PCDHGB3: variants seen among roughly 807,000 people sequenced by gnomAD.
PCDHGB3 encodes protocadherin gamma-B3.
In PCDHGB3, 40 loss-of-function variants were observed where a neutral mutation model predicts 59.2. That is an observed-to-expected ratio of 0.68 (90% CI 0.52 to 0.88). The LOEUF (loss-of-function observed/expected upper bound fraction) is 0.88, where lower values mean the gene tolerates loss of function less well. Among genes scored for constraint, PCDHGB3 ranks in the 40% least tolerant of loss-of-function variants. The pLI, the probability that PCDHGB3 is intolerant of heterozygous loss-of-function variation, is 0.00. For missense variants in PCDHGB3, 1,309 were observed against 1,187.9 expected (o/e 1.10, Z -1.50); for synonymous variants, 581 against 503.6 (o/e 1.15, Z -2.06).
chr5:141,374,812 T>C, intron 1 of PCDHGB3: 1 of 1,613,998 alleles, frequency 6.2e-7, no homozygotes, highest in Non-Finnish European at 8.5e-7. Flanking sequence ...CAATGTTTAC[T>C]CAGCCTGTCT....
intron 1 of PCDHGB3, chr5:141,384,851 A>G (rs1460277994): frequency 1.9e-6 from 3 of 1,613,516 alleles, no homozygotes; most frequent in East Asian, 2.2e-5. Flanking sequence ...GACCACGGTC[A>G]GCCTCCTCTG....
intron 1 of PCDHGB3, chr5:141,409,583 G>A (rs1221824873): frequency 1.2e-6 from 2 of 1,613,920 alleles, no homozygotes; most frequent in African/African-American, 1.3e-5. Flanking sequence ...CGTGGTCCAC[G>A]TGGCCGAGAA....
In PCDHGB3 at chr5:141,476,040, G is replaced by A; in HGVS notation, c.2416-18767G>A. 2.0e-6 allele frequency: 3 copies of A among 1,488,704 alleles called. No individual in the cohort carries two copies. Among genetic ancestry groups the A allele is most frequent in the Admixed American group, 2.2e-5 (1 of 44,984 alleles). 92.2% of individuals were successfully genotyped at this position (1,488,704 alleles called of 1,614,324 possible). On this transcript the variant is annotated intron_variant, in intron 1 of 3. Coordinates refer to ENST00000576222, the MANE Select transcript of PCDHGB3 (RefSeq NM_018924.5). The surrounding 1 kb of genome is among the most constrained non-coding windows in gnomAD (Gnocchi z 7.6). The stretch of plus-strand genomic sequence containing the variant: ...CGGACTCGGCGCCCAGCGCCCAAGC[G>A]CTAACCCGCTGAAAGTTTCTCAGCG...
In PCDHGB3 at chr5:141,505,414, C is replaced by T. The variant is rs373956550; in HGVS notation, c.2496C>T (p.Thr832=). The T allele has an allele frequency of 3.0e-5, 48 of 1,614,046 alleles. No homozygotes were observed. In the African/African-American group the frequency reaches 3.1e-4, roughly 10 times the overall value. The change falls in exon 3 of 4, where the codon ACC becomes ACT. Residue 832 remains threonine (T), a synonymous_variant. Transcript: ENST00000576222. ...CCAGCTCCCAAAATGGCGATGACACCGGCACCTGGCCCAACAACCAGTTTG... is the reference window on the plus strand; with the variant it reads ...CCAGCTCCCAAAATGGCGATGACACTGGCACCTGGCCCAACAACCAGTTTG... ...GTSGSQNGDD[T]GTWPNNQFDT...
chr5:141,381,826 C>CTTTTTTTTTTTTTTTTTT (rs770630741), intron 1 of PCDHGB3, among the ~76,000 whole-genome samples: 6 of 74,288 alleles, frequency 8.1e-5, no homozygotes, highest in East Asian at 3.6e-4. Flanking sequence ...CTTTCTTCTT[C>CTTTTTTTTTTTTTTTTTT]TTTTTTTTTT....
chr5:141,383,179 G>A (rs1387934089), intron 1 of PCDHGB3: 2 of 1,614,006 alleles, frequency 1.2e-6, no homozygotes, highest in Admixed American at 1.7e-5. Context: ...AGACCGGGAA[G>A]AGATCTGCGC....
intron 1 of PCDHGB3, chr5:141,414,883 G>T: frequency 6.2e-7 from 1 of 1,614,176 alleles, no homozygotes; most frequent in Non-Finnish European, 8.5e-7. Context: ...CCTGTACCCC[G>T]CCCTCCCCAC....
chr5:141,408,096 C>T, intron 1 of PCDHGB3: 5 of 1,434,864 alleles, frequency 3.5e-6, no homozygotes, highest in Non-Finnish European at 4.6e-6. Flanking sequence ...ATTGCCAGCT[C>T]CGAGACCCGG....
chr5:141,391,728 T>C (rs2092412871), intron 1 of PCDHGB3: 1 of 152,222 alleles, frequency 6.6e-6, no homozygotes, highest in East Asian at 1.9e-4. Flanking sequence ...ACAGACTTTT[T>C]TGTAGTCATA....
chr5:141,393,232 T>TA lies in PCDHGB3; in HGVS notation c.2415+20428dup, dbSNP rs774547937. On this transcript the variant is annotated intron_variant, in intron 1 of 3. Coordinates refer to ENST00000576222, the MANE Select transcript of PCDHGB3 (RefSeq NM_018924.5). The stretch of plus-strand genomic sequence containing the variant: ...AAATTCCAGGTCGAAGATCTAGAAG[T>TA]AAAAATTAACGAAATCGCGGTTCCT... The TA allele has an allele frequency of 5.6e-6, 9 of 1,613,542 alleles. No homozygotes were observed. The African/African-American group carries it at 1.2e-4, about 22-fold the overall frequency.
At position 141,421,030 on chromosome 5, in the gene PCDHGB3, G is replaced by A. The variant is rs989158485; in HGVS notation, c.2415+48221G>A. The stretch of plus-strand genomic sequence containing the variant: ...GGAATGGGAAGCTGCGCGCCATTGA[G>A]TCCCTCCCTCCCCCGCCTCTACCAC... On this transcript the variant is annotated intron_variant, in intron 1 of 3. Coordinates refer to ENST00000576222, the MANE Select transcript of PCDHGB3 (RefSeq NM_018924.5). 39 of 532,352 alleles carry A rather than the reference G, an allele frequency of 7.3e-5. No homozygotes were observed. In the East Asian group the frequency reaches 1.2e-3, roughly 17 times the overall value. 33.0% of individuals were successfully genotyped at this position (532,352 alleles called of 1,614,324 possible). A position where few individuals can be genotyped will look rare whatever the true frequency, so the allele number is the denominator to read the frequency against.
At position 141,485,149 on chromosome 5, in the gene PCDHGB3, A is replaced by G; in HGVS notation, c.2416-9658A>G. 6.3e-7 allele frequency: 1 copy of G among 1,578,106 alleles called. No individual in the cohort carries two copies. Among genetic ancestry groups the G allele is most frequent in the South Asian group, 1.1e-5 (1 of 89,070 alleles). ...CGGCTTCATCCGCGTCTCAGGAGCA[A>G]GTAGAGAATTAGCGGGCGGCAGCAA... On this transcript the variant is annotated intron_variant, in intron 1 of 3. Transcript: ENST00000576222. This position sits in a 1 kb window ranked among gnomAD's most constrained non-coding sequence, Gnocchi z 5.7.
chr5:141,394,537 T>C, intron 1 of PCDHGB3: 1 of 1,614,146 alleles, frequency 6.2e-7, no homozygotes, highest in Non-Finnish European at 8.5e-7. Flanking sequence ...TCCACTGGCG[T>C]GGAGCTGGCG....
At position 141,446,758 on chromosome 5, in the gene PCDHGB3, C is replaced by T. The variant is rs776925316; in HGVS notation, c.2416-48049C>T. Among the ~76,000 whole-genome samples, 10 of 152,208 alleles carry T rather than the reference C, an allele frequency of 6.6e-5. 1 individual carries two copies. Among genetic ancestry groups the T allele is most frequent in the African/African-American group, 9.7e-5 (4 of 41,448 alleles). On this transcript the variant is annotated intron_variant, in intron 1 of 3. Transcript: ENST00000576222. ...TGGGGATTACAGGCGTGAGCCACCG[C>T]GCCCAGCCGGTTACCATTCTTTTAC...
At chr5:141,414,496 C>T in intron 1 of PCDHGB3, 7 of 1,613,956 alleles carry the variant, frequency 4.3e-6, no homozygotes, top group Middle Eastern at 1.6e-4. Flanking sequence ...AACGGAAGCT[C>T]ACTTTATGCT....
Position 141,393,095 on chromosome 5 carries a change from G to A in PCDHGB3, c.2415+20286G>A, listed in dbSNP as rs1057103671. On this transcript the variant is annotated intron_variant, in intron 1 of 3. Transcript: ENST00000576222. ...CCGCGGGCAGGATAGATCGGGAGGA[G>A]CTCTGCGCTCAGAGCCCGCGGTGTC... The A allele has an allele frequency of 3.1e-6, 5 of 1,613,520 alleles. No homozygotes were observed. The East Asian group carries it at 8.9e-5, about 29-fold the overall frequency.
Position 141,410,521 on chromosome 5 carries a change from A to G in PCDHGB3, c.2415+37712A>G, listed in dbSNP as rs201505796. ...ATTTCCTAAAATGCAGTGTGCCCCT[A>G]CATTCCAATGAAGACATGGTTTGCA... is the stretch of plus-strand genomic sequence containing the variant. On this transcript the variant is annotated intron_variant, in intron 1 of 3. Coordinates refer to ENST00000576222, the MANE Select transcript of PCDHGB3 (RefSeq NM_018924.5). 1,940 of 1,613,966 alleles carry G rather than the reference A, an allele frequency of 1.2e-3. 3 individuals are homozygous for G. Among genetic ancestry groups the G allele is most frequent in the Non-Finnish European group, 1.5e-3 (1,760 of 1,179,896 alleles).
chr5:141,423,661 GT>G, intron 1 of PCDHGB3: 1 of 1,555,760 alleles, frequency 6.4e-7, no homozygotes. Flanking sequence ...AAGTAATCAG[GT>G]GAGATTTATT....
chr5:141,399,955 C>G, intron 1 of PCDHGB3: 1 of 1,612,146 alleles, frequency 6.2e-7, no homozygotes. Flanking sequence ...GGCTAGCGAG[C>G]CCGGGCTCTT....
Sources: allele counts gnomAD v4.1 joint callset (sites outside exome capture counted in the v4.1 genomes callset), GRCh38; gene constraint gnomAD v4.1.1; non-coding constraint Gnocchi (gnomAD v3.1); transcripts MANE v1.5; gene names NCBI Gene and HGNC (gene_info 2026-07-23, HGNC 2026-07-21).